Variants in TSGA10 observed in about 807,000 individuals in gnomAD.
The protein encoded by TSGA10 is testis specific 10, also known as testis-specific gene 10 protein.
TSGA10 carries 43 observed loss-of-function variants against 96.6 expected under a neutral mutation model. The ratio of observed to expected loss-of-function variants is 0.44; its 90% CI spans 0.35 to 0.57. The LOEUF is 0.57. TSGA10 is among the 20% of genes least tolerant of loss of function. The pLI is 0.01. For synonymous variants in TSGA10, 229 were observed against 269.9 expected (o/e 0.85, Z 1.48); for missense variants, 703 against 834.4 (o/e 0.84, Z 1.94).
At chr2:99,126,956 G>A (rs13008171) in intron 2 of TSGA10, 92 bp downstream of exon 2, 666,760 of 1,117,218 alleles carry the variant, frequency 0.6, 203,884 homozygotes, top group East Asian at 0.67. Flanking sequence ...AATGAGCTCT[G>A]AATTAGTAGT....
chr2:99,052,777 A>G (rs919003872), intron 16 of TSGA10, among the ~76,000 whole-genome samples: 1 of 151,546 alleles, frequency 6.6e-6, no homozygotes, highest in South Asian at 2.1e-4. Flanking sequence ...ATAAATAAAT[A>G]AATAAATCTT....
chr2:99,089,927 C>T (rs1056588410), intron 10 of TSGA10, among the ~76,000 whole-genome samples: 9 of 152,170 alleles, frequency 5.9e-5, no homozygotes, highest in Non-Finnish European at 1.0e-4. Context: ...CTTGAAAGTG[C>T]CACCTCCTGG....
intron 6 of TSGA10, 131 bp from the exon 7 acceptor site, chr2:99,109,122 GT>G: frequency 1.2e-6 from 1 of 823,482 alleles, no homozygotes; most frequent in Non-Finnish European, 1.8e-6. Flanking sequence ...TAAAAAATAA[GT>G]TTAAAAACCA....
chr2:99,131,038 C>A (rs1386776099), intron 1 of TSGA10, among the ~76,000 whole-genome samples: 2 of 151,988 alleles, frequency 1.3e-5, no homozygotes, highest in African/African-American at 4.8e-5. Context: ...ATTACTGTAG[C>A]CTTGTAGTAT....
chr2:99,008,837 G>T (rs2078734554), intron 20 of TSGA10, among the ~76,000 whole-genome samples: 1 of 151,946 alleles, frequency 6.6e-6, no homozygotes, highest in Non-Finnish European at 1.5e-5. Context: ...GTGTGCACCT[G>T]AAAAAAAGGA....
rs566798442 is a variant in TSGA10, at chr2:99,154,888, T to G, written c.-816A>C. 634 of 402,936 alleles carry G rather than the reference T, an allele frequency of 1.6e-3. 3 individuals are homozygous for G. Among genetic ancestry groups the G allele is most frequent in the African/African-American group, 9.7e-3 (471 of 48,690 alleles). 25.0% of individuals were successfully genotyped at this position (402,936 alleles called of 1,614,324 possible). Reference sequence around the variant, plus strand: ...CCCACGGCTCCGCAGGCGGAGAGACTAGGCGCGATCCCTGCGCGCCCCTCC... The same window carrying G: ...CCCACGGCTCCGCAGGCGGAGAGACGAGGCGCGATCCCTGCGCGCCCCTCC... On this transcript the variant is annotated 5_prime_UTR_variant, in exon 1 of 21. Coordinates refer to ENST00000393483, the MANE Select transcript of TSGA10 (RefSeq NM_025244.4).
chr2:99,074,682 C>T lies in TSGA10; in HGVS notation c.883-1609G>A, dbSNP rs193275240. Among the ~76,000 whole-genome samples, 15 of 152,118 alleles carry T rather than the reference C, an allele frequency of 9.9e-5. No individual in the cohort carries two copies. In the East Asian group the frequency reaches 1.2e-3, roughly 12 times the overall value. The stretch of plus-strand genomic sequence containing the variant: ...GCTTTTGAAAGTCTTTACTTGAGGC[C>T]GAATGCGGTGGCTTATGCCTGTAAT... On this transcript the variant is annotated intron_variant, in intron 12 of 20. Transcript: ENST00000393483.
intron 12 of TSGA10, among the ~76,000 whole-genome samples, chr2:99,076,333 C>A (rs1351642571): frequency 6.6e-6 from 1 of 152,152 alleles, no homozygotes; most frequent in Non-Finnish European, 1.5e-5. Context: ...GTCCCTGTCA[C>A]TACTCTCATT....
chr2:99,152,741 T>C (rs1251811551), intron 1 of TSGA10, among the ~76,000 whole-genome samples: 1 of 152,046 alleles, frequency 6.6e-6, no homozygotes, highest in Non-Finnish European at 1.5e-5. Flanking sequence ...AGAGTCCAGG[T>C]GAAGTCTGAC....
chr2:99,004,669 A>C (rs1288758268), intron 20 of TSGA10, among the ~76,000 whole-genome samples: 2 of 152,022 alleles, frequency 1.3e-5, no homozygotes, highest in East Asian at 3.9e-4. Context: ...CAACCAAAAA[A>C]AGTCCAGAAC....
At chr2:99,141,273 G>T in intron 1 of TSGA10, 1 of 717,846 alleles carries the variant, frequency 1.4e-6, no homozygotes, top group Non-Finnish European at 1.9e-6. Context: ...GAAGGACGGA[G>T]CCCGCGGGAA....
chr2:99,034,488 A>T (rs1489740264), intron 17 of TSGA10, among the ~76,000 whole-genome samples: 1 of 152,124 alleles, frequency 6.6e-6, no homozygotes, highest in Non-Finnish European at 1.5e-5. Flanking sequence ...CAAATACACT[A>T]TGCATCTTCT....
chr2:99,067,395 TGGGA>T (rs1336657614), intron 15 of TSGA10, among the ~76,000 whole-genome samples: 1 of 152,132 alleles, frequency 6.6e-6, no homozygotes, highest in Non-Finnish European at 1.5e-5. Context: ...AAGGCCGAGG[TGGGA>T]GGATCACTTG....
chr2:99,056,831 A>C (rs1296254117), intron 16 of TSGA10, among the ~76,000 whole-genome samples: 3 of 151,586 alleles, frequency 2.0e-5, no homozygotes, highest in African/African-American at 7.2e-5. Context: ...AAAAAAAAAA[A>C]AAAACTAGAA....
chr2:99,004,195 T>C (rs1441181515), intron 20 of TSGA10, among the ~76,000 whole-genome samples: 1 of 152,162 alleles, frequency 6.6e-6, no homozygotes, highest in African/African-American at 2.4e-5. Context: ...CTAGAAAATC[T>C]AGAAGAAATG....
chr2:99,068,915 G>T lies in TSGA10; in HGVS notation c.1191C>A (p.Asn397Lys). The part of the protein sequence containing the change: ...QKVQDTNLEV[N>K]KLKNILKSEE... ...CAGACTTTAATATATTCTTCAGCTTGTTAACCTCCAAATTAGTATCTTGAA... is the reference window on the plus strand; with the variant it reads ...CAGACTTTAATATATTCTTCAGCTTTTTAACCTCCAAATTAGTATCTTGAA... The change falls in exon 15 of 21, where the codon AAC becomes AAA. Residue 397 changes from asparagine to lysine, a missense_variant. Transcript: ENST00000393483. The T allele has an allele frequency of 6.9e-7, 1 of 1,458,338 alleles. No homozygotes were observed. The highest frequency in any genetic ancestry group is 9.0e-7 in the Non-Finnish European group (1 of 1,106,320). 90.3% of individuals were successfully genotyped at this position (1,458,338 alleles called of 1,614,324 possible). A position where few individuals can be genotyped will look rare whatever the true frequency, so the allele number is the denominator to read the frequency against.
At chr2:99,120,339 G>C (rs149729890) in intron 2 of TSGA10, among the ~76,000 whole-genome samples, 37 of 152,216 alleles carry the variant, frequency 2.4e-4, no homozygotes, top group African/African-American at 8.4e-4. Flanking sequence ...GTAACACAAA[G>C]GATATGGGCT....
chr2:99,130,217 A>G (rs2093011624), intron 1 of TSGA10, among the ~76,000 whole-genome samples: 1 of 152,232 alleles, frequency 6.6e-6, no homozygotes, highest in South Asian at 2.1e-4. Flanking sequence ...ACTGTCTTCC[A>G]CAAATTAGTT....
intron 1 of TSGA10, among the ~76,000 whole-genome samples, chr2:99,144,497 A>C (rs1018318664): frequency 6.6e-6 from 1 of 151,692 alleles, no homozygotes; most frequent in Non-Finnish European, 1.5e-5. Flanking sequence ...TTTGATGCTG[A>C]AAGCAGGCGG....
Sources: allele counts gnomAD v4.1 joint callset (sites outside exome capture counted in the v4.1 genomes callset), GRCh38; gene constraint gnomAD v4.1.1; transcripts MANE v1.5; gene names NCBI Gene and HGNC (gene_info 2026-07-23, HGNC 2026-07-21).